SP110: variants seen among roughly 807,000 people sequenced by gnomAD.
SP110 encodes the protein interferon-induced protein 41, 30kD.
In SP110, 62 loss-of-function variants were observed where a neutral mutation model predicts 92.7. The ratio of observed to expected loss-of-function variants is 0.67; its 90% confidence interval spans 0.55 to 0.83. SP110 has a LOEUF of 0.83. SP110 is among the 40% of genes least tolerant of loss of function. SP110 has a pLI of 0.00. For missense variants in SP110, 793 were observed against 863.9 expected (o/e 0.92, Z 1.03); for synonymous variants, 273 against 305.3 (o/e 0.89, Z 1.10).
At chr2:230,172,736 GCA>G in intron 15 of SP110, 106 bp downstream of exon 15, 1 of 722,976 alleles carries the variant, frequency 1.4e-6, no homozygotes, top group East Asian at 2.7e-5. Flanking sequence ...AGAGTCTCTG[GCA>G]CCAGACTGCT....
intron 11 of SP110, among the ~76,000 whole-genome samples, chr2:230,184,461 G>A (rs904298059): frequency 6.6e-6 from 1 of 152,146 alleles, no homozygotes; most frequent in South Asian, 2.1e-4. Context: ...GGCCAGAGAT[G>A]TCGCTAAACA....
Position 230,168,199 on chromosome 2 carries a change from T to C in SP110, c.*925A>G, listed in dbSNP as rs2078343739. 6.9e-6 allele frequency: 1 copy of C among 145,344 alleles called. No individual in the cohort carries two copies. Among genetic ancestry groups the C allele is most frequent in the African/African-American group, 2.5e-5 (1 of 39,238 alleles). 9.0% of individuals were successfully genotyped at this position (145,344 alleles called of 1,614,324 possible). A position where few individuals can be genotyped will look rare whatever the true frequency, so the allele number is the denominator to read the frequency against. On this transcript the variant is annotated 3_prime_UTR_variant, in exon 19 of 19. Coordinates refer to ENST00000258381, the MANE Select transcript of SP110 (RefSeq NM_080424.4). ...GCAATGGTTTGTAGCATGCTACGTA[T>C]ATTTAAATATGTGGGTTCAAGATAA...
upstream of SP110, among the ~76,000 whole-genome samples, chr2:230,220,267 A>G (rs552098477): frequency 6.6e-6 from 1 of 152,244 alleles, no homozygotes; most frequent in East Asian, 1.9e-4. Context: ...ATGCTTCCCT[A>G]ACCACATCTA....
chr2:230,195,837 A>T (rs541936712), intron 10 of SP110, among the ~76,000 whole-genome samples: 1 of 152,294 alleles, frequency 6.6e-6, no homozygotes, highest in East Asian at 1.9e-4. Flanking sequence ...CGACACTATT[A>T]AAGCAAAAAC....
intron 10 of SP110, among the ~76,000 whole-genome samples, chr2:230,193,706 G>A (rs1357507049): frequency 6.6e-6 from 1 of 152,152 alleles, no homozygotes; most frequent in Non-Finnish European, 1.5e-5. Context: ...AGCTTGTAAG[G>A]TTTCTGCTGA....
At chr2:230,223,839 G>C (rs541905240), upstream of SP110, among the ~76,000 whole-genome samples, 2 of 152,310 alleles carry the variant, frequency 1.3e-5, no homozygotes, top group East Asian at 3.9e-4. Context: ...AAATCTTCCA[G>C]GTAGAATGAA....
At chr2:230,171,031 C>T (rs1574586711) in intron 17 of SP110, 1 of 532,844 alleles carries the variant, frequency 1.9e-6, no homozygotes, top group East Asian at 3.3e-5. Context: ...GGAACCTACC[C>T]AAGATGTCTC....
intron 8 of SP110, among the ~76,000 whole-genome samples, chr2:230,206,600 T>TAC (rs2043859114): frequency 2.7e-5 from 1 of 37,198 alleles, no homozygotes; most frequent in South Asian, 8.9e-4. Flanking sequence ...AGATTTTATA[T>TAC]ATATATATAT....
chr2:230,207,532 TA>T (rs1396930334), intron 8 of SP110, among the ~76,000 whole-genome samples: 1 of 152,192 alleles, frequency 6.6e-6, no homozygotes, highest in Non-Finnish European at 1.5e-5. Context: ...AACAGGTCAA[TA>T]ATTGAACTCT....
intron 1 of SP110, among the ~76,000 whole-genome samples, chr2:230,218,814 C>T (rs2045517741): frequency 6.6e-6 from 1 of 151,998 alleles, no homozygotes; most frequent in African/African-American, 2.4e-5. Context: ...AACGAATAAG[C>T]AAAAGACAAA....
upstream of SP110, among the ~76,000 whole-genome samples, chr2:230,222,900 T>C (rs1167895918): frequency 6.6e-6 from 1 of 151,642 alleles, no homozygotes; most frequent in Non-Finnish European, 1.5e-5. Context: ...GGTGTATGGC[T>C]TTCTTTTCCT....
intron 14 of SP110, among the ~76,000 whole-genome samples, chr2:230,174,994 A>G (rs1027687452): frequency 6.6e-6 from 1 of 152,138 alleles, no homozygotes; most frequent in African/African-American, 2.4e-5. Context: ...GGAGAGTTAG[A>G]GGGTATTACC....
At chr2:230,225,297 TC>T (rs2046190558) in intron 1 of SP110, among the ~76,000 whole-genome samples, 1 of 152,228 alleles carries the variant, frequency 6.6e-6, no homozygotes, top group African/African-American at 2.4e-5. Flanking sequence ...CTGTCTGCTT[TC>T]ATGGAGTGCT....
chr2:230,201,353 C>T (rs764177856), intron 9 of SP110, among the ~76,000 whole-genome samples: 8 of 152,156 alleles, frequency 5.3e-5, no homozygotes, highest in Non-Finnish European at 1.2e-4. Context: ...TTCACTATTT[C>T]AACCTTTGTA....
chr2:230,200,597 G>A (rs756429104), intron 10 of SP110: 21 of 470,940 alleles, frequency 4.5e-5, no homozygotes, highest in Non-Finnish European at 7.7e-5. Context: ...TCTCAGTAAT[G>A]GTGATATTGC....
intron 8 of SP110, among the ~76,000 whole-genome samples, chr2:230,206,571 A>G (rs1284056101): frequency 7.8e-6 from 1 of 128,132 alleles, no homozygotes; most frequent in Non-Finnish European, 1.6e-5. Context: ...TGGTCCAGAT[A>G]TTATATATTA....
chr2:230,170,508 T>A, intron 18 of SP110, 113 bp downstream of exon 18: 1 of 1,291,540 alleles, frequency 7.7e-7, no homozygotes, highest in Non-Finnish European at 1.1e-6. Flanking sequence ...ATCCTTGTCT[T>A]GTTTGAGCTC....
At chr2:230,180,641 T>TAA (rs1416416615) in intron 12 of SP110, among the ~76,000 whole-genome samples, 7 of 152,246 alleles carry the variant, frequency 4.6e-5, no homozygotes, top group Admixed American at 2.6e-4. Flanking sequence ...GGCACTGGAA[T>TAA]TTACACATGC....
At chr2:230,202,795 T>A in intron 8 of SP110, 67 bp from the exon 9 acceptor site, 1 of 1,473,862 alleles carries the variant, frequency 6.8e-7, no homozygotes, top group Non-Finnish European at 9.5e-7. Flanking sequence ...ACAGTCCCAA[T>A]CAGTGACTTC....
Sources: gnomAD v4.1 joint callset for allele counts (sites outside exome capture counted in the v4.1 genomes callset) on GRCh38, gnomAD v4.1.1 for gene constraint, MANE v1.5 for transcripts, NCBI Gene and HGNC (gene_info 2026-07-23, HGNC 2026-07-21) for gene names.